The following CTNND2 variants were observed in gnomAD, a reference collection of about 807,000 sequenced individuals.
CTNND2 encodes catenin delta 2, also known as catenin delta-2.
Under a neutral mutation model 144.4 loss-of-function variants are expected in CTNND2, and 22 were observed. That is an observed-to-expected ratio of 0.15 (90% CI 0.11 to 0.22). The LOEUF (loss-of-function observed/expected upper bound fraction) is 0.22, where lower values mean the gene tolerates loss of function less well. CTNND2 is among the 10% of genes least tolerant of loss of function. The pLI, the probability that CTNND2 is intolerant of heterozygous loss-of-function variation, is 1.00. For missense variants in CTNND2, 1,353 were observed against 1,618.8 expected, an observed-to-expected ratio of 0.84 and a Z score of 2.82; for synonymous variants, 751 against 695.6, an observed-to-expected ratio of 1.08 and a Z score of -1.25.
intron 7 of CTNND2, among the ~76,000 whole-genome samples, chr5:11,375,536 T>A (rs1230558980): frequency 6.6e-6 from 1 of 152,216 alleles, no homozygotes; most frequent in East Asian, 1.9e-4. Flanking sequence ...TTAATATGTG[T>A]GTATGTGCAT....
chr5:11,866,607 A>G (rs534573278), intron 1 of CTNND2, among the ~76,000 whole-genome samples: 8 of 152,230 alleles, frequency 5.3e-5, no homozygotes, highest in Non-Finnish European at 1.0e-4. Context: ...TTTTGTACCT[A>G]AAGTGTGCAG....
intron 3 of CTNND2, among the ~76,000 whole-genome samples, chr5:11,523,333 T>C (rs1263876788): frequency 6.6e-6 from 1 of 152,202 alleles, no homozygotes; most frequent in East Asian, 1.9e-4. Flanking sequence ...TTTTAAAAAC[T>C]TCATATTTTT....
At chr5:11,653,218 T>A (rs149471064) in intron 2 of CTNND2, among the ~76,000 whole-genome samples, 1 of 152,214 alleles carries the variant, frequency 6.6e-6, no homozygotes, top group East Asian at 1.9e-4. Flanking sequence ...AATGCAGATA[T>A]CTCTTTGGCA....
At chr5:11,807,840 T>A (rs1480928274) in intron 1 of CTNND2, among the ~76,000 whole-genome samples, 2 of 152,200 alleles carry the variant, frequency 1.3e-5, no homozygotes, top group African/African-American at 4.8e-5. Flanking sequence ...AAAACAGCCA[T>A]CTATTAAAAC....
At chr5:11,510,123 G>C (rs1374923783) in intron 3 of CTNND2, among the ~76,000 whole-genome samples, 1 of 151,980 alleles carries the variant, frequency 6.6e-6, no homozygotes, top group Non-Finnish European at 1.5e-5. Context: ...TATTTTTGTA[G>C]AGATGATGTC....
intron 3 of CTNND2, among the ~76,000 whole-genome samples, chr5:11,467,690 T>A (rs143936431): frequency 1.5e-3 from 236 of 152,274 alleles, no homozygotes; most frequent in African/African-American, 5.0e-3. Flanking sequence ...CTTAGAGAAA[T>A]TTTAATGTTA....
chr5:11,593,855 T>G (rs543955016), intron 2 of CTNND2, among the ~76,000 whole-genome samples: 2 of 149,572 alleles, frequency 1.3e-5, no homozygotes, highest in African/African-American at 5.0e-5. Flanking sequence ...GGTACAAAAT[T>G]TTAACCACTA....
At chr5:11,304,423 C>G (rs1412470762) in intron 9 of CTNND2, among the ~76,000 whole-genome samples, 1 of 152,044 alleles carries the variant, frequency 6.6e-6, no homozygotes, top group African/African-American at 2.4e-5. Context: ...AACTCTCTCT[C>G]CCCCATGCAT....
chr5:11,038,062 A>T (rs975825785), intron 16 of CTNND2, among the ~76,000 whole-genome samples: 4 of 152,202 alleles, frequency 2.6e-5, no homozygotes, highest in Admixed American at 2.6e-4. Context: ...CAGAGATGTT[A>T]CATTTAAAGG....
At chr5:11,667,355 A>G (rs1783626207) in intron 2 of CTNND2, among the ~76,000 whole-genome samples, 1 of 152,154 alleles carries the variant, frequency 6.6e-6, no homozygotes, top group Admixed American at 6.5e-5. Flanking sequence ...GTCTTCCCCA[A>G]TGGTTGAACT....
chr5:11,077,327 G>C (rs1749051539), intron 16 of CTNND2, among the ~76,000 whole-genome samples: 1 of 152,120 alleles, frequency 6.6e-6, no homozygotes, highest in Admixed American at 6.5e-5. Flanking sequence ...AATTAAGCAG[G>C]GAAAGGAGCT....
At chr5:11,863,129 T>A (rs1795580402) in intron 1 of CTNND2, among the ~76,000 whole-genome samples, 1 of 152,220 alleles carries the variant, frequency 6.6e-6, no homozygotes, top group Non-Finnish European at 1.5e-5. Context: ...TAAATTGTGT[T>A]TTCCTAAGAA....
At chr5:11,140,323 C>G (rs1034098056) in intron 12 of CTNND2, among the ~76,000 whole-genome samples, 1 of 152,172 alleles carries the variant, frequency 6.6e-6, no homozygotes, top group African/African-American at 2.4e-5. Flanking sequence ...CCTCAAAGTA[C>G]TCCTAGGCTC....
intron 1 of CTNND2, among the ~76,000 whole-genome samples, chr5:11,830,025 T>C (rs1459633081): frequency 2.0e-5 from 3 of 152,228 alleles, no homozygotes; most frequent in Non-Finnish European, 4.4e-5. Context: ...CTGCTGGATT[T>C]TGGACTTGCA....
chr5:11,806,961 T>C (rs1792038758), intron 1 of CTNND2, among the ~76,000 whole-genome samples: 3 of 152,246 alleles, frequency 2.0e-5, no homozygotes, highest in Middle Eastern at 3.4e-3. Flanking sequence ...ATTCTCTTTT[T>C]CTTTATGTTT....
intron 9 of CTNND2, among the ~76,000 whole-genome samples, chr5:11,309,034 C>G (rs1750537998): frequency 6.6e-6 from 1 of 152,212 alleles, no homozygotes; most frequent in South Asian, 2.1e-4. Context: ...AGGGGGAAAT[C>G]AAACTTCGTG....
chr5:11,804,907 G>A (rs1791907913), intron 1 of CTNND2, among the ~76,000 whole-genome samples: 1 of 152,150 alleles, frequency 6.6e-6, no homozygotes. Context: ...CAATCTAACT[G>A]TACAAAACAA....
intron 2 of CTNND2, among the ~76,000 whole-genome samples, chr5:11,730,662 A>T (rs931617387): frequency 6.6e-6 from 1 of 152,250 alleles, no homozygotes; most frequent in Admixed American, 6.5e-5. Context: ...GCTTCTGATT[A>T]CAGCTGCCTA....
Position 11,384,771 on chromosome 5 carries a change from G to A in CTNND2, c.1071C>T (p.Ala357=), listed in dbSNP as rs1430529698. 3 of 1,613,146 alleles carry A rather than the reference G, an allele frequency of 1.9e-6. No individual in the cohort carries two copies. Among genetic ancestry groups the A allele is most frequent in the Admixed American group, 1.7e-5 (1 of 59,930 alleles). ...HQLSSTIGTY[A]TLSPTKRLVH... ...CCAGGCGCTTGGTGGGCGACAGGGTGGCGTACGTGCCGATGGTGGAGCTCA... is the reference window on the plus strand; with the variant it reads ...CCAGGCGCTTGGTGGGCGACAGGGTAGCGTACGTGCCGATGGTGGAGCTCA... Residue 357 remains alanine (A), a synonymous_variant, in exon 7 of 22, where the codon GCC becomes GCT. Coordinates refer to ENST00000304623, the MANE Select transcript of CTNND2 (RefSeq NM_001332.4). The surrounding 1 kb of genome is among the most constrained non-coding windows in gnomAD (Gnocchi z 5.2).
Sources: allele counts gnomAD v4.1 joint callset (sites outside exome capture counted in the v4.1 genomes callset), GRCh38; gene constraint gnomAD v4.1.1; non-coding constraint Gnocchi (gnomAD v3.1); transcripts MANE v1.5; gene names NCBI Gene and HGNC (gene_info 2026-07-23, HGNC 2026-07-21).